TMEM131: variants seen among roughly 807,000 people sequenced by gnomAD.
TMEM131 encodes the protein 2610524E03Rik.
Under a neutral mutation model 211.6 loss-of-function variants are expected in TMEM131, and 66 were observed. The observed-to-expected ratio is 0.31, with a 90% CI of 0.26 to 0.38. The LOEUF (loss-of-function observed/expected upper bound fraction) is 0.38. Ranked by LOEUF, TMEM131 falls within the 10% of genes least tolerant of loss-of-function variation. TMEM131 has a pLI of 1.00. For synonymous variants in TMEM131, 844 were observed against 841.3 expected (o/e 1.00, Z -0.06); for missense variants, 2,036 against 2,299.3 (o/e 0.89, Z 2.34).
At chr2:97,986,754 A>T (rs979047413) in intron 1 of TMEM131, among the ~76,000 whole-genome samples, 4 of 152,222 alleles carry the variant, frequency 2.6e-5, no homozygotes, top group Non-Finnish European at 5.9e-5. Flanking sequence ...ATCAAGAAGC[A>T]ATACTTCAGA....
intron 5 of TMEM131, among the ~76,000 whole-genome samples, chr2:97,853,826 T>A (rs1307030064): frequency 6.6e-6 from 1 of 152,096 alleles, no homozygotes; most frequent in African/African-American, 2.4e-5. Flanking sequence ...AATCCCATGA[T>A]AAAACTTGAA....
chr2:97,864,001 A>G (rs889034415), intron 4 of TMEM131, among the ~76,000 whole-genome samples: 4 of 152,144 alleles, frequency 2.6e-5, no homozygotes, highest in Admixed American at 2.0e-4. Context: ...ATGAATGGAT[A>G]AAAAAAATGT....
chr2:97,995,558 CG>C lies in TMEM131; in HGVS notation c.104del (p.Pro35ArgfsTer9). ...CTAGGAGGCCGGCGGCCGCGCTCCGCGGGCCCCCGCTACGGGCGGCCGCAGG... is the reference window on the plus strand; with the variant it reads ...CTAGGAGGCCGGCGGCCGCGCTCCGCGGCCCCCGCTACGGGCGGCCGCAGG... ...LEPAAARSGG[P>X]RSAAAGLLGA... On this transcript the variant is annotated frameshift_variant, in exon 1 of 41. Coordinates refer to ENST00000186436, the MANE Select transcript of TMEM131 (RefSeq NM_015348.2). LOFTEE classifies it high-confidence loss of function. 7.6e-7 allele frequency: 1 copy of C among 1,320,354 alleles called. No homozygotes were observed. The allele number at this position is 1,320,354 out of a possible 1,614,324, so 81.8% of individuals were successfully genotyped here.
chr2:97,960,106 T>C (rs1678751880), intron 1 of TMEM131, among the ~76,000 whole-genome samples: 3 of 152,138 alleles, frequency 2.0e-5, no homozygotes. Context: ...TAATGTAGTA[T>C]CCACCAGATC....
chr2:97,943,798 T>C (rs1573594881), intron 1 of TMEM131, among the ~76,000 whole-genome samples: 2 of 152,146 alleles, frequency 1.3e-5, no homozygotes, highest in South Asian at 2.1e-4. Flanking sequence ...ATAAACCTTA[T>C]CAAGGTTGGG....
chr2:97,890,741 T>G (rs1229583169), intron 3 of TMEM131, among the ~76,000 whole-genome samples: 1 of 152,236 alleles, frequency 6.6e-6, no homozygotes, highest in Non-Finnish European at 1.5e-5. Flanking sequence ...CTATCTTGGA[T>G]GATCACTGTA....
chr2:97,867,880 T>C (rs1208914712), intron 4 of TMEM131, among the ~76,000 whole-genome samples: 1 of 152,136 alleles, frequency 6.6e-6, no homozygotes, highest in Non-Finnish European at 1.5e-5. Flanking sequence ...ATAGAATAGG[T>C]TGTAGCCCAA....
chr2:97,954,282 A>C (rs1678459664), intron 1 of TMEM131, among the ~76,000 whole-genome samples: 2 of 152,232 alleles, frequency 1.3e-5, no homozygotes, highest in Admixed American at 1.3e-4. Flanking sequence ...GACTGACAAA[A>C]AGGTGAAGAC....
rs1159581024 is a variant in TMEM131 at position 97,775,935 on chromosome 2, C to T, written c.4228G>A (p.Glu1410Lys). The change falls in exon 32 of 41, where the codon GAA becomes AAA. Residue 1410 changes from glutamate (E) to lysine (K), a missense_variant. Physicochemically the swap from Glu to Lys is moderately conservative, Grantham distance 56. This residue lies in a region of TMEM131 where 1,623 missense variants were observed against 1,805.9 expected (regional missense o/e 0.90). Coordinates refer to ENST00000186436, the MANE Select transcript of TMEM131 (RefSeq NM_015348.2). ...KEKKGKGKPQ[E>K]DELKDSLADD... ...GCCAAAGAGTCCTTCAGCTCATCTTCCTGTGGCTTTCCCTTTCCCTTCTTC... is the reference window on the plus strand; with the variant it reads ...GCCAAAGAGTCCTTCAGCTCATCTTTCTGTGGCTTTCCCTTTCCCTTCTTC... The T allele has an allele frequency of 1.2e-6, 2 of 1,613,976 alleles. No homozygotes were observed. The highest frequency in any genetic ancestry group is 1.7e-6 in the Non-Finnish European group (2 of 1,179,892).
intron 4 of TMEM131, among the ~76,000 whole-genome samples, chr2:97,872,827 C>T (rs1001444579): frequency 4.6e-5 from 7 of 152,162 alleles, no homozygotes; most frequent in East Asian, 3.9e-4. Flanking sequence ...GGGCAGTCAC[C>T]GAACTAACTT....
chr2:97,958,659 A>G (rs1478002794), intron 1 of TMEM131, among the ~76,000 whole-genome samples: 1 of 152,216 alleles, frequency 6.6e-6, no homozygotes, highest in Non-Finnish European at 1.5e-5. Flanking sequence ...AGGGCAAGTG[A>G]CCAGATTTGA....
At chr2:97,935,276 C>T (rs1362939294) in intron 1 of TMEM131, among the ~76,000 whole-genome samples, 1 of 152,084 alleles carries the variant, frequency 6.6e-6, no homozygotes, top group Admixed American at 6.5e-5. Flanking sequence ...ATACCCATTC[C>T]TATCAAAAGA....
intron 31 of TMEM131, among the ~76,000 whole-genome samples, chr2:97,785,514 T>C (rs1680205615): frequency 6.6e-6 from 1 of 152,034 alleles, no homozygotes; most frequent in African/African-American, 2.4e-5. Context: ...CAGAAAAAAA[T>C]GAAGATGCTG....
At chr2:97,758,496 T>C (rs149122381) in intron 40 of TMEM131, among the ~76,000 whole-genome samples, 1,549 of 152,358 alleles carry the variant, frequency 0.01, 14 homozygotes, top group South Asian at 0.024. Context: ...TCTAGCTTGC[T>C]CCTGGGTGGC....
intron 1 of TMEM131, among the ~76,000 whole-genome samples, chr2:97,955,055 C>T (rs538187963): frequency 6.6e-6 from 1 of 152,010 alleles, no homozygotes; most frequent in African/African-American, 2.4e-5. Context: ...ACCACTATTC[C>T]TTATTAAGTT....
At chr2:97,822,368 C>T (rs565761933) in intron 11 of TMEM131, among the ~76,000 whole-genome samples, 1 of 152,256 alleles carries the variant, frequency 6.6e-6, no homozygotes, top group Admixed American at 6.5e-5. Flanking sequence ...CGATATCCTT[C>T]CTTTTCACAT....
intron 25 of TMEM131, 70 bp downstream of exon 25, chr2:97,801,825 T>G (rs1371437413): frequency 8.5e-7 from 1 of 1,173,992 alleles, no homozygotes; most frequent in Non-Finnish European, 1.2e-6. Flanking sequence ...GCCAATAATT[T>G]TCTTTCATAT....
chr2:97,982,310 T>C (rs1164000055), intron 1 of TMEM131, among the ~76,000 whole-genome samples: 1 of 152,210 alleles, frequency 6.6e-6, no homozygotes, highest in Non-Finnish European at 1.5e-5. Flanking sequence ...GTTTATTATA[T>C]ATCTTTATTA....
chr2:97,828,126 A>C (rs535290521), intron 11 of TMEM131, among the ~76,000 whole-genome samples: 1 of 152,326 alleles, frequency 6.6e-6, no homozygotes, highest in African/African-American at 2.4e-5. Flanking sequence ...TGAGTTGTGA[A>C]CTGGTGGGCT....
Sources: gnomAD v4.1 joint callset for allele counts (sites outside exome capture counted in the v4.1 genomes callset) on GRCh38, gnomAD v4.1.1 for gene constraint, gnomAD v4.1.1 regional missense constraint, MANE v1.5 for transcripts, NCBI Gene and HGNC (gene_info 2026-07-23, HGNC 2026-07-21) for gene names.